The following HMCN2 variants were observed in gnomAD, a reference collection of about 807,000 sequenced individuals.
The protein encoded by HMCN2 is hemicentin 2.
Under a neutral mutation model 377.5 loss-of-function variants are expected in HMCN2, and 325 were observed. That is an observed-to-expected ratio of 0.86 (90% confidence interval 0.79 to 0.94). The LOEUF (loss-of-function observed/expected upper bound fraction) is 0.94, where lower values mean the gene tolerates loss of function less well. Ranked by LOEUF, HMCN2 falls within the 40% of genes least tolerant of loss-of-function variation. The pLI, the probability that HMCN2 is intolerant of heterozygous loss-of-function variation, is 0.00. For synonymous variants in HMCN2, 2,007 were observed against 2,046.8 expected (o/e 0.98, Z 0.53); for missense variants, 4,543 against 4,725.3 (o/e 0.96, Z 1.13).
chr9:130,406,024 C>G lies in HMCN2; in HGVS notation c.12409C>G (p.Leu4137Val). 1 of 1,289,846 alleles carries G rather than the reference C, an allele frequency of 7.8e-7. No homozygotes were observed. The highest frequency in any genetic ancestry group is 2.1e-4 in the Middle Eastern group (1 of 4,696). 79.9% of individuals were successfully genotyped at this position (1,289,846 alleles called of 1,614,324 possible). A position where few individuals can be genotyped will look rare whatever the true frequency, so the allele number is the denominator to read the frequency against. Reference protein sequence around the residue: ...AVGRARRRVHLTILVLPVFTT... With the variant: ...AVGRARRRVHVTILVLPVFTT... Reference sequence around the variant, plus strand: ...GGGCCGGGCCCGCCGCCGCGTGCACCTCACCATCCTGGTACTGCCTGTGTT... The same window carrying G: ...GGGCCGGGCCCGCCGCCGCGTGCACGTCACCATCCTGGTACTGCCTGTGTT... Residue 4137 changes from leucine (L) to valine (V), a missense_variant, in exon 82 of 98, where the codon CTC (leucine) becomes GTC (valine). Leu to Val is a conservative substitution (Grantham distance 32, BLOSUM62 1). Coordinates refer to ENST00000683500, the MANE Select transcript of HMCN2 (RefSeq NM_001291815.2).
intron 1 of HMCN2, among the ~76,000 whole-genome samples, chr9:130,273,707 A>G (rs950048684): frequency 2.0e-5 from 3 of 152,208 alleles, no homozygotes; most frequent in Non-Finnish European, 2.9e-5. Flanking sequence ...CATGTTGGCC[A>G]GGCTGGTCCC....
chr9:130,429,389 C>G, intron 93 of HMCN2, 168 bp from the exon 94 acceptor site: 1 of 774,154 alleles, frequency 1.3e-6, no homozygotes, highest in Non-Finnish European at 2.1e-6. Flanking sequence ...GACCTCCAAC[C>G]TGGTATAACT....
At chr9:130,300,983 A>G (rs1333665779) in intron 8 of HMCN2, among the ~76,000 whole-genome samples, 1 of 152,226 alleles carries the variant, frequency 6.6e-6, no homozygotes, top group African/African-American at 2.4e-5. Context: ...GGTGGATGTC[A>G]TTAACATTCT....
In HMCN2 at chr9:130,430,301, C is replaced by T. The variant is rs1844658585; in HGVS notation, c.14344C>T (p.Gln4782Ter). The change falls in exon 95 of 98, where the codon CAG (glutamine) becomes TAG (stop). Residue 4782 changes from glutamine to a stop codon, truncating the protein, a stop_gained. Coordinates refer to ENST00000683500, the MANE Select transcript of HMCN2 (RefSeq NM_001291815.2). LOFTEE classifies it high-confidence loss of function. ...GTCTGCAGATGTCAATGAGTGCCTG[C>T]AGCTGCCCAAGGCCTGCGCCTACCA... ...LPCLDVNECL[Q>*]LPKACAYQCH... The T allele has an allele frequency of 6.5e-7, 1 of 1,540,572 alleles. No individual in the cohort carries two copies. The highest frequency in any genetic ancestry group is 1.4e-5 in the African/African-American group (1 of 73,020).
rs748874500 is a variant in HMCN2, at chr9:130,414,415, CTT to C, written c.12961+3767_12961+3768del. Reference sequence around the variant, plus strand: ...GACCTGGCGGAAGTGAGTGGCACCACTTTTTCTTGGCAGTTTTATAGCTCTGC... The same window carrying C: ...GACCTGGCGGAAGTGAGTGGCACCACTTTCTTGGCAGTTTTATAGCTCTGC... On this transcript the variant is annotated intron_variant, in intron 85 of 97. Coordinates refer to ENST00000683500, the MANE Select transcript of HMCN2 (RefSeq NM_001291815.2). The surrounding 1 kb of genome is among the most constrained non-coding windows in gnomAD (Gnocchi z 4.4). Among the ~76,000 whole-genome samples the C allele has an allele frequency of 3.3e-5, 5 of 152,170 alleles. No homozygotes were observed. Among genetic ancestry groups the C allele is most frequent in the Non-Finnish European group, 5.9e-5 (4 of 68,028 alleles).
chr9:130,388,314 C>A, intron 61 of HMCN2, 95 bp from the exon 62 acceptor site: 1 of 837,228 alleles, frequency 1.2e-6, no homozygotes, highest in Non-Finnish European at 1.4e-6. Flanking sequence ...CTCCTAACTA[C>A]CAGGAAGGGC....
chr9:130,413,308 A>G (rs1278539843), intron 85 of HMCN2, among the ~76,000 whole-genome samples: 1 of 152,200 alleles, frequency 6.6e-6, no homozygotes, highest in East Asian at 1.9e-4. Flanking sequence ...CAGCGAGAGC[A>G]GCCATCCTTG....
Position 130,353,204 on chromosome 9 carries a change from T to C in HMCN2, c.4863T>C (p.Tyr1621=). The part of the protein sequence containing the change: ...AAEKATRLDV[Y]VPPTIEGAGG... ...AGAAGGCCACCAGGCTGGATGTTTA[T>C]GGTGAGCAGCCAGGGGCCACGGCAG... Residue 1621 remains tyrosine, a splice_region_variant and synonymous_variant, in exon 31 of 98, where the codon TAT becomes TAC. Coordinates refer to ENST00000683500, the MANE Select transcript of HMCN2 (RefSeq NM_001291815.2). 1 of 1,303,122 alleles carries C rather than the reference T, an allele frequency of 7.7e-7. No homozygotes were observed. The highest frequency in any genetic ancestry group is 1.0e-6 in the Non-Finnish European group (1 of 988,664). The allele number at this position is 1,303,122 out of a possible 1,614,324, so 80.7% of individuals were successfully genotyped here.
At chr9:130,397,688 G>C in intron 74 of HMCN2, 33 bp downstream of exon 74, 1 of 1,287,774 alleles carries the variant, frequency 7.8e-7, no homozygotes, top group Non-Finnish European at 1.0e-6. Flanking sequence ...TCAGTGTCCA[G>C]TCCCTGTCGG....
In HMCN2 at chr9:130,379,322, G is replaced by A; in HGVS notation, c.8286G>A (p.Arg2762=). Residue 2762 remains arginine, a synonymous_variant, in exon 54 of 98, where the codon CGG becomes CGA. Transcript: ENST00000683500. ...FEILSREEEA[R]GGVTEYREIV... is the part of the protein sequence containing the mutation. ...TCCTGTCCCGGGAGGAGGAGGCCCG[G>A]GGCGGAGTCACGGAATACAGGGAGA... The A allele has an allele frequency of 4.1e-6, 4 of 985,762 alleles. No homozygotes were observed. Among genetic ancestry groups the A allele is most frequent in the Non-Finnish European group, 4.8e-6 (4 of 829,942 alleles). The allele number at this position is 985,762 out of a possible 1,614,324, so 61.1% of individuals were successfully genotyped here.
At chr9:130,301,076 C>T (rs570841384) in intron 8 of HMCN2, among the ~76,000 whole-genome samples, 13 of 152,346 alleles carry the variant, frequency 8.5e-5, no homozygotes, top group Admixed American at 7.2e-4. Context: ...GAAGAAGGGC[C>T]AGCTCTTGAG....
chr9:130,404,750 G>A (rs1843008644), intron 80 of HMCN2, 119 bp from the exon 81 acceptor site: 2 of 612,464 alleles, frequency 3.3e-6, no homozygotes, highest in African/African-American at 1.9e-5. Flanking sequence ...CTAGGGAGTT[G>A]GAGGGGGCAG....
chr9:130,363,831 A>AG (rs1366351162), intron 40 of HMCN2, among the ~76,000 whole-genome samples: 4 of 150,780 alleles, frequency 2.7e-5, no homozygotes, highest in African/African-American at 7.3e-5. Flanking sequence ...AAAAAAAAAA[A>AG]AAAGAAAGAA....
intron 4 of HMCN2, among the ~76,000 whole-genome samples, chr9:130,287,069 C>T (rs2131285170): frequency 6.6e-6 from 1 of 152,284 alleles, no homozygotes. Flanking sequence ...TATAAATGCT[C>T]CCACCTCGGC....
intron 31 of HMCN2, among the ~76,000 whole-genome samples, chr9:130,354,491 G>A (rs755201413): frequency 2.0e-5 from 3 of 152,204 alleles, no homozygotes; most frequent in Admixed American, 6.5e-5. Flanking sequence ...TAGGCCGGCC[G>A]TCTTTCCACT....
In HMCN2 at chr9:130,291,308, C is replaced by T. The variant is rs191424925; in HGVS notation, c.613-3547C>T. On this transcript the variant is annotated intron_variant, in intron 4 of 97. Transcript: ENST00000683500. ...CACTGCAAACTCTGCCTCCTGGGTT[C>T]AAGCAATTCCCCTGCCTCAGCCTCC... is the stretch of plus-strand genomic sequence containing the variant. 3.0e-3 allele frequency among the ~76,000 whole-genome samples: 450 copies of T among 152,324 alleles called. 1 individual carries two copies. Among genetic ancestry groups the T allele is most frequent in the Admixed American group, 5.1e-3 (78 of 15,298 alleles).
intron 80 of HMCN2, 41 bp from the exon 81 acceptor site, chr9:130,404,828 C>T (rs761049479): frequency 3.4e-6 from 4 of 1,188,252 alleles, no homozygotes; most frequent in Non-Finnish European, 4.3e-6. Context: ...TCAGCCGCCT[C>T]CCTGAGCCCC....
chr9:130,410,667 C>T lies in HMCN2; in HGVS notation c.12961+15C>T. On this transcript the variant is annotated intron_variant, in intron 85 of 97. Coordinates refer to ENST00000683500, the MANE Select transcript of HMCN2 (RefSeq NM_001291815.2). ...CGTCCTGCAGAGTGAGTCTCGGCCT[C>T]AGCAGAGTGGGGACGTGGGAAGTGT... is the stretch of plus-strand genomic sequence containing the variant. The T allele has an allele frequency of 6.5e-7, 1 of 1,549,906 alleles. No individual in the cohort carries two copies. The highest frequency in any genetic ancestry group is 8.7e-7 in the Non-Finnish European group (1 of 1,146,406).
rs1455296996 is a variant in HMCN2, at chr9:130,424,760, G to A, written c.13382-16G>A. On this transcript the variant is annotated splice_polypyrimidine_tract_variant and intron_variant, in intron 87 of 97. Coordinates refer to ENST00000683500, the MANE Select transcript of HMCN2 (RefSeq NM_001291815.2). ...GGATCAGCTCTAACCCGGCCTCTAT[G>A]CCCTGCCCCACCCAGGGCCTCTGAT... 1 of 1,528,178 alleles carries A rather than the reference G, an allele frequency of 6.5e-7. No homozygotes were observed. The highest frequency in any genetic ancestry group is 2.1e-5 in the Admixed American group (1 of 47,768). 94.7% of individuals were successfully genotyped at this position (1,528,178 alleles called of 1,614,324 possible).
Sources: gnomAD v4.1 joint callset for allele counts (sites outside exome capture counted in the v4.1 genomes callset) on GRCh38, gnomAD v4.1.1 for gene constraint, Gnocchi (gnomAD v3.1) non-coding constraint, MANE v1.5 for transcripts, NCBI Gene and HGNC (gene_info 2026-07-23, HGNC 2026-07-21) for gene names.